NDFIP2: variants seen among roughly 807,000 people sequenced by gnomAD.
NDFIP2 encodes the protein NEDD4 family-interacting protein 2.
A neutral mutation model predicts 36.0 loss-of-function variants in NDFIP2; 19 were observed. That is an observed-to-expected ratio of 0.53 (90% confidence interval 0.37 to 0.77). The LOEUF (loss-of-function observed/expected upper bound fraction) is 0.77, where lower values mean the gene tolerates loss of function less well. Among genes scored for constraint, NDFIP2 ranks in the 30% least tolerant of loss-of-function variants. The pLI is 0.00. For missense variants in NDFIP2, 446 were observed against 435.8 expected (o/e 1.02, Z -0.21); for synonymous variants, 181 against 167.7 (o/e 1.08, Z -0.61).
At chr13:79,493,557 A>G (rs1277158549) in intron 1 of NDFIP2, among the ~76,000 whole-genome samples, 1 of 152,170 alleles carries the variant, frequency 6.6e-6, no homozygotes, top group Non-Finnish European at 1.5e-5. Flanking sequence ...GTCCTTAATG[A>G]TCATTTTCTT....
At chr13:79,507,748 A>T (rs1873924005) in intron 1 of NDFIP2, among the ~76,000 whole-genome samples, 1 of 151,920 alleles carries the variant, frequency 6.6e-6, no homozygotes, top group Admixed American at 6.6e-5. Context: ...AAACACTTCA[A>T]ACATAAAGTA....
In NDFIP2 at chr13:79,553,553, A is replaced by G. The variant is rs1875987140; in HGVS notation, c.*1040A>G. On this transcript the variant is annotated 3_prime_UTR_variant, in exon 8 of 8. Transcript: ENST00000218652. Reference sequence around the variant, plus strand: ...CATTGTAATAATTTTTTAGAGTTTAATTTGTAAAGCTTAGCAAATAAAATC... The same window carrying G: ...CATTGTAATAATTTTTTAGAGTTTAGTTTGTAAAGCTTAGCAAATAAAATC... 1 of 151,668 alleles carries G rather than the reference A, an allele frequency of 6.6e-6. No homozygotes were observed. The allele number at this position is 151,668 out of a possible 1,614,324, so 9.4% of individuals were successfully genotyped here.
chr13:79,482,842 A>C (rs780042884), intron 1 of NDFIP2, among the ~76,000 whole-genome samples: 7 of 152,234 alleles, frequency 4.6e-5, no homozygotes, highest in Non-Finnish European at 1.0e-4. Flanking sequence ...CAACTTGGGA[A>C]ATACTGTTTC....
rs2079809701 is a variant in NDFIP2, at chr13:79,481,279, C to G, written c.76C>G (p.Leu26Val). ...CAATAGCGCGCGCGGCGCCCCGGAGCTTCTCCGCGGAACCGCGACCAACGC... is the reference window on the plus strand; with the variant it reads ...CAATAGCGCGCGCGGCGCCCCGGAGGTTCTCCGCGGAACCGCGACCAACGC... Reference protein sequence around the residue: ...MLNSARGAPELLRGTATNAEV... With the variant: ...MLNSARGAPEVLRGTATNAEV... Residue 26 changes from leucine (L) to valine (V), a missense_variant, in exon 1 of 8, where the codon CTT (leucine) becomes GTT (valine). By Grantham distance (32) the Leu-to-Val change is conservative. Around this residue, in one of 2 missense-constraint regions of NDFIP2, gnomAD observed 369 missense variants for 304.8 expected, o/e 1.21. Transcript: ENST00000218652. The G allele has an allele frequency of 6.5e-7, 1 of 1,538,046 alleles. No individual in the cohort carries two copies. The highest frequency in any genetic ancestry group is 2.0e-5 in the Admixed American group (1 of 50,976).
Position 79,533,365 on chromosome 13 carries a change from A to G in NDFIP2, c.530A>G (p.Tyr177Cys), listed in dbSNP as rs1450731527. The G allele has an allele frequency of 5.0e-6, 8 of 1,612,020 alleles. No individual in the cohort carries two copies. The South Asian group carries it at 7.7e-5, about 16-fold the overall frequency. ...YGEFYPVPPP[Y>C]SVATSLPTYD... ...GAGTTTTATCCCGTGCCACCTCCCT[A>G]TAGCGTTGCTACCTCTCTTCCTACA... The change falls in exon 3 of 8, where the codon TAT becomes TGT. Residue 177 changes from tyrosine to cysteine, a missense_variant. Physicochemically the swap from Tyr to Cys is radical, Grantham distance 194. Around this residue, in one of 2 missense-constraint regions of NDFIP2, gnomAD observed 369 missense variants for 304.8 expected, o/e 1.21. Transcript: ENST00000218652.
intron 1 of NDFIP2, among the ~76,000 whole-genome samples, chr13:79,502,872 A>G (rs1218562849): frequency 6.7e-6 from 1 of 149,926 alleles, no homozygotes; most frequent in African/African-American, 2.5e-5. Flanking sequence ...AAAAGTATTT[A>G]TTTTTAGCTG....
At chr13:79,521,009 T>A in intron 2 of NDFIP2, 34 bp downstream of exon 2, 1 of 407,158 alleles carries the variant, frequency 2.5e-6, no homozygotes, top group Non-Finnish European at 3.5e-6. Flanking sequence ...TTATTAGTTC[T>A]TTTTTTTTTT....
chr13:79,539,823 G>A (rs768320231), intron 4 of NDFIP2, 48 bp downstream of exon 4: 1 of 1,463,390 alleles, frequency 6.8e-7, no homozygotes, highest in South Asian at 1.1e-5. Flanking sequence ...TGAATTGGCT[G>A]TATGTGTATT....
chr13:79,525,727 C>T (rs769676949), intron 2 of NDFIP2, among the ~76,000 whole-genome samples: 1 of 152,146 alleles, frequency 6.6e-6, no homozygotes, highest in Non-Finnish European at 1.5e-5. Context: ...ATATTCAGAA[C>T]AATGCACAAT....
rs1004124503 is a variant in NDFIP2 at position 79,553,504 on chromosome 13, G to A, written c.*991G>A. 1 of 151,230 alleles carries A rather than the reference G, an allele frequency of 6.6e-6. No homozygotes were observed. The highest frequency in any genetic ancestry group is 2.4e-5 in the African/African-American group (1 of 41,332). 9.4% of individuals were successfully genotyped at this position (151,230 alleles called of 1,614,324 possible). A position where few individuals can be genotyped will look rare whatever the true frequency, so the allele number is the denominator to read the frequency against. On this transcript the variant is annotated 3_prime_UTR_variant, in exon 8 of 8. Coordinates refer to ENST00000218652, the MANE Select transcript of NDFIP2 (RefSeq NM_019080.3). ...TCTCATTTGTGTTTGTCTTTTAAAA[G>A]GCCAATAAAATATCTTTCAGTATCA...
chr13:79,520,684 C>G lies in NDFIP2; in HGVS notation c.322-126C>G, dbSNP rs142526432. 89 of 841,514 alleles carry G rather than the reference C, an allele frequency of 1.1e-4. No individual in the cohort carries two copies. The African/African-American group carries it at 1.4e-3, about 13-fold the overall frequency. The allele number at this position is 841,514 out of a possible 1,614,324, so 52.1% of individuals were successfully genotyped here. A position where few individuals can be genotyped will look rare whatever the true frequency, so the allele number is the denominator to read the frequency against. ...ATACTAGTGTGATTTTGTATACTAT[C>G]TAAAAATGCCATTTTCTTTGTGTTT... On this transcript the variant is annotated intron_variant, in intron 1 of 7. Coordinates refer to ENST00000218652, the MANE Select transcript of NDFIP2 (RefSeq NM_019080.3).
At position 79,520,853 on chromosome 13, in the gene NDFIP2, A is replaced by C. The variant is rs769196655; in HGVS notation, c.365A>C (p.Gln122Pro). 6.2e-7 allele frequency: 1 copy of C among 1,614,038 alleles called. No individual in the cohort carries two copies. The highest frequency in any genetic ancestry group is 2.2e-5 in the East Asian group (1 of 44,872). The change falls in exon 2 of 8, where the codon CAG becomes CCG. Residue 122 changes from glutamine (Q) to proline (P), a missense_variant. Transcript: ENST00000218652. Reference protein sequence around the residue: ...EDNSESSAIEQPPTSNPAPQI... With the variant: ...EDNSESSAIEPPPTSNPAPQI... Reference sequence around the variant, plus strand: ...AACTCAGAATCATCGGCTATAGAGCAGCCACCTACTTCAAACCCAGCACCG... The same window carrying C: ...AACTCAGAATCATCGGCTATAGAGCCGCCACCTACTTCAAACCCAGCACCG...
At chr13:79,487,491 C>A (rs894147649) in intron 1 of NDFIP2, among the ~76,000 whole-genome samples, 1 of 152,102 alleles carries the variant, frequency 6.6e-6, no homozygotes, top group South Asian at 2.1e-4. Context: ...ACAAATCTTT[C>A]TGTAAAGCTG....
chr13:79,525,830 A>T (rs1182538994), intron 2 of NDFIP2, among the ~76,000 whole-genome samples: 1 of 152,214 alleles, frequency 6.6e-6, no homozygotes, highest in Non-Finnish European at 1.5e-5. Context: ...TGGAAAGCAA[A>T]ACCGTGCATA....
At chr13:79,547,481 A>G (rs1208765978) in intron 5 of NDFIP2, among the ~76,000 whole-genome samples, 5 of 152,192 alleles carry the variant, frequency 3.3e-5, no homozygotes, top group African/African-American at 1.2e-4. Flanking sequence ...TTTAAAAAGT[A>G]ATCATTTGAG....
chr13:79,533,699 T>C (rs964456975), intron 3 of NDFIP2, among the ~76,000 whole-genome samples: 8 of 151,998 alleles, frequency 5.3e-5, no homozygotes, highest in African/African-American at 1.9e-4. Context: ...CCTAGAAATA[T>C]CAAAAAAATT....
chr13:79,510,196 T>G (rs1014159670), intron 1 of NDFIP2, among the ~76,000 whole-genome samples: 2 of 151,990 alleles, frequency 1.3e-5, no homozygotes, highest in Non-Finnish European at 2.9e-5. Context: ...TTTTTAAGAG[T>G]GTACTTTTTT....
intron 2 of NDFIP2, among the ~76,000 whole-genome samples, chr13:79,526,030 A>T (rs1874782220): frequency 6.6e-6 from 1 of 152,328 alleles, no homozygotes; most frequent in South Asian, 2.1e-4. Flanking sequence ...TCTATAACTT[A>T]TGCTCTTAGC....
chr13:79,528,102 A>C (rs574521410), intron 2 of NDFIP2, among the ~76,000 whole-genome samples: 7 of 152,256 alleles, frequency 4.6e-5, no homozygotes, highest in African/African-American at 1.7e-4. Context: ...TCAACAAAAA[A>C]TACAAAAATT....
Sources: allele counts gnomAD v4.1 joint callset (sites outside exome capture counted in the v4.1 genomes callset), GRCh38; gene constraint gnomAD v4.1.1; regional missense constraint gnomAD v4.1.1; transcripts MANE v1.5; gene names NCBI Gene and HGNC (gene_info 2026-07-23, HGNC 2026-07-21).